TUSC3: variants seen among roughly 807,000 people sequenced by gnomAD.
TUSC3 encodes tumor suppressor candidate 3, also known as dolichyl-diphosphooligosaccharide--protein glycosyltransferase subunit TUSC3.
In TUSC3, 45 loss-of-function variants were observed where a neutral mutation model predicts 44.8. That is an observed-to-expected ratio of 1.00 (90% CI 0.79 to 1.29). TUSC3 has a LOEUF of 1.29. Among genes scored for constraint, TUSC3 ranks in the 50% most tolerant of loss-of-function variants. The probability of loss-of-function intolerance (pLI) is 0.00; values close to 1 mark genes in which losing one functional copy is unlikely to be tolerated. For missense variants in TUSC3, 519 were observed against 437.9 expected, an observed-to-expected ratio of 1.19 and a Z score of -1.65; for synonymous variants, 212 against 152.9, an observed-to-expected ratio of 1.39 and a Z score of -2.85.
At chr8:15,713,633 A>G (rs13265104) in intron 6 of TUSC3, among the ~76,000 whole-genome samples, 64,441 of 151,808 alleles carry the variant, frequency 0.42, 13,984 homozygotes, top group East Asian at 0.59. Flanking sequence ...TTCCTCTTGG[A>G]TTGTAGATGG....
At chr8:15,642,574 T>C (rs537905173) in intron 2 of TUSC3, among the ~76,000 whole-genome samples, 1 of 152,274 alleles carries the variant, frequency 6.6e-6, no homozygotes, top group South Asian at 2.1e-4. Flanking sequence ...CTTTAAAGTC[T>C]GCGTATATTC....
At chr8:15,789,867 C>G in the TUSC3 span, among the ~76,000 whole-genome samples, 2 of 152,106 alleles carry the variant, frequency 1.3e-5, no homozygotes, top group African/African-American at 2.4e-5. Flanking sequence ...TGATGCAGGG[C>G]AGACACGCCC....
intron 1 of TUSC3, among the ~76,000 whole-genome samples, chr8:15,573,493 G>A (rs990257770): frequency 4.6e-5 from 7 of 151,814 alleles, no homozygotes; most frequent in African/African-American, 1.7e-4. Flanking sequence ...ATATTTCAGA[G>A]CACAGTAGTT....
chr8:15,464,786 C>T lies in TUSC3; in HGVS notation n.92-18600C>T, dbSNP rs1000688278. The stretch of plus-strand genomic sequence containing the variant: ...CCTGAGAGACCACACCTTTGTGAGG[C>T]ACATAATGGCTCTTCTTTCCTGTCC... On this transcript the variant is annotated intron_variant and non_coding_transcript_variant, in intron 1 of 5. Transcript: ENST00000503191. Among the ~76,000 whole-genome samples, 8 of 152,262 alleles carry T rather than the reference C, an allele frequency of 5.3e-5. No homozygotes were observed. The South Asian group carries it at 1.0e-3, about 20-fold the overall frequency.
intron 2 of TUSC3, among the ~76,000 whole-genome samples, chr8:15,497,428 A>G (rs944575394): frequency 6.6e-6 from 1 of 152,214 alleles, no homozygotes; most frequent in African/African-American, 2.4e-5. Flanking sequence ...TGTTTGCTAA[A>G]CGAACATGTT....
intron 2 of TUSC3, among the ~76,000 whole-genome samples, chr8:15,528,169 TACTC>T (rs1314741834): frequency 1.3e-5 from 2 of 152,142 alleles, no homozygotes; most frequent in Admixed American, 6.5e-5. Context: ...CTATAAAAAA[TACTC>T]AGCTCAGCAT....
At chr8:15,550,487 G>C (rs985300064) in intron 1 of TUSC3, among the ~76,000 whole-genome samples, 1 of 151,558 alleles carries the variant, frequency 6.6e-6, no homozygotes, top group African/African-American at 2.4e-5. Context: ...CTAAAAACAA[G>C]GTTTCCTCAT....
At chr8:15,797,784 C>CTGTCTTAGCAAGTGCTATTGAT in the TUSC3 span, among the ~76,000 whole-genome samples, 4 of 152,180 alleles carry the variant, frequency 2.6e-5, no homozygotes, top group Non-Finnish European at 4.4e-5. Flanking sequence ...TAAGACAACA[C>CTGTCTTAGCAAGTGCTATTGAT]AGCAAGTGCT....
intron 1 of TUSC3, among the ~76,000 whole-genome samples, chr8:15,448,464 C>T (rs1173722231): frequency 6.6e-6 from 1 of 152,076 alleles, no homozygotes; most frequent in Middle Eastern, 3.2e-3. Flanking sequence ...CATGTATCAG[C>T]ATAACTTTTG....
intron 2 of TUSC3, among the ~76,000 whole-genome samples, chr8:15,649,678 G>A (rs1358986801): frequency 6.6e-6 from 1 of 151,462 alleles, no homozygotes; most frequent in Non-Finnish European, 1.5e-5. Context: ...TGAATCTAAT[G>A]TTTTTCTAGC....
At chr8:15,749,732 GTTT>G (rs71211080) in intron 9 of TUSC3, among the ~76,000 whole-genome samples, 1 of 140,386 alleles carries the variant, frequency 7.1e-6, no homozygotes. Context: ...GAAAGATGAA[GTTT>G]TTTTTTTTTT....
chr8:15,596,189 A>G (rs1024642474), intron 1 of TUSC3, among the ~76,000 whole-genome samples: 1 of 152,206 alleles, frequency 6.6e-6, no homozygotes, highest in African/African-American at 2.4e-5. Context: ...TCCATCTATA[A>G]TAATGATATG....
chr8:15,818,585 C>T, the TUSC3 span, among the ~76,000 whole-genome samples: 4 of 152,142 alleles, frequency 2.6e-5, no homozygotes. Context: ...TCTTTTATTT[C>T]TCAAATCCTC....
chr8:15,712,534 C>G (rs1379758672), intron 6 of TUSC3, among the ~76,000 whole-genome samples: 4 of 151,958 alleles, frequency 2.6e-5, no homozygotes, highest in Admixed American at 1.3e-4. Flanking sequence ...TTTTATGTTC[C>G]TATTTCCATC....
At chr8:15,634,934 T>G (rs1251878871) in intron 2 of TUSC3, among the ~76,000 whole-genome samples, 1 of 152,340 alleles carries the variant, frequency 6.6e-6, no homozygotes, top group East Asian at 1.9e-4. Flanking sequence ...CGTAGGCCAC[T>G]GCAGGAGGGC....
chr8:15,773,995 T>G, the TUSC3 span, among the ~76,000 whole-genome samples: 2 of 152,150 alleles, frequency 1.3e-5, no homozygotes, highest in Non-Finnish European at 2.9e-5. Context: ...TGGCAACAGT[T>G]TCTTGGATAT....
At chr8:15,582,611 G>A (rs925029445) in intron 1 of TUSC3, among the ~76,000 whole-genome samples, 1 of 152,142 alleles carries the variant, frequency 6.6e-6, no homozygotes, top group Admixed American at 6.5e-5. Context: ...GTCAATCTTG[G>A]CACACCCAGC....
At chr8:15,643,105 T>C (rs1305528493) in intron 2 of TUSC3, among the ~76,000 whole-genome samples, 4 of 152,130 alleles carry the variant, frequency 2.6e-5, no homozygotes, top group Admixed American at 2.6e-4. Context: ...ATAAGGGGCT[T>C]TTCCGCCTTT....
the TUSC3 span, among the ~76,000 whole-genome samples, chr8:15,789,142 G>T: frequency 2.0e-5 from 3 of 152,160 alleles, no homozygotes; most frequent in Non-Finnish European, 4.4e-5. Context: ...AGAGTGTTAG[G>T]TAAAAACCTT....
Sources: allele counts gnomAD v4.1 joint callset (sites outside exome capture counted in the v4.1 genomes callset), GRCh38; gene constraint gnomAD v4.1.1; transcripts MANE v1.5; gene names NCBI Gene and HGNC (gene_info 2026-07-23, HGNC 2026-07-21).